Variants in ATXN7 observed in about 807,000 individuals in gnomAD.
ATXN7 encodes ataxin-7.
ATXN7 carries 12 observed loss-of-function variants against 70.5 expected under a neutral mutation model. The observed-to-expected ratio is 0.17, with a 90% confidence interval of 0.11 to 0.28. ATXN7 has a LOEUF of 0.28. Among genes scored for constraint, ATXN7 ranks in the 10% least tolerant of loss-of-function variants. The pLI, the probability that ATXN7 is intolerant of heterozygous loss-of-function variation, is 1.00. For synonymous variants in ATXN7, 498 were observed against 448.7 expected (o/e 1.11, Z -1.39); for missense variants, 1,256 against 1,131.7 (o/e 1.11, Z -1.58).
chr3:63,882,810 C>T (rs958551647), intron 1 of ATXN7, among the ~76,000 whole-genome samples: 5 of 152,094 alleles, frequency 3.3e-5, no homozygotes, highest in African/African-American at 4.8e-5. Flanking sequence ...TTAAAAAAGG[C>T]AACGAACACC....
Position 63,988,177 on chromosome 3 carries a change from AGCAACCACC to A in ATXN7, c.1218_1226del (p.Pro408_Pro410del). On this transcript the variant is annotated inframe_deletion, in exon 9 of 13. Transcript: ENST00000674280. ...GAATTGATTCGCCATCCGGACTCTC[AGCAACCACC>A]GCAGCCTCTCAGGGACCCGCATCCC... The A allele has an allele frequency of 6.2e-7, 1 of 1,614,024 alleles. No homozygotes were observed. Among genetic ancestry groups the A allele is most frequent in the Non-Finnish European group, 8.5e-7 (1 of 1,180,002 alleles).
At chr3:63,865,976 TATC>T (rs973709783) in intron 1 of ATXN7, among the ~76,000 whole-genome samples, 11 of 151,590 alleles carry the variant, frequency 7.3e-5, no homozygotes, top group African/African-American at 2.2e-4. Context: ...TTCTTAATCT[TATC>T]ATAATACTGA....
chr3:63,939,110 CT>C (rs1366292856), intron 4 of ATXN7, among the ~76,000 whole-genome samples: 1 of 152,012 alleles, frequency 6.6e-6, no homozygotes, highest in Non-Finnish European at 1.5e-5. Flanking sequence ...GGTATCTTGG[CT>C]GTCTCAGAGG....
In ATXN7 at chr3:63,912,854, A is replaced by T; in HGVS notation, c.256A>T (p.Ser86Cys). ...ATVGERRPLP[S>C]PEVMLGQSWN... ...GGTCGGGGAGCGCAGGCCTCTGCCC[A>T]GTCCTGAAGTGATGCTGGGACAGTC... Residue 86 changes from serine (S) to cysteine (C), a missense_variant, in exon 3 of 13, where the codon AGT becomes TGT. Ser to Cys is a moderately radical substitution (Grantham distance 112). Transcript: ENST00000674280. 1 of 1,612,768 alleles carries T rather than the reference A, an allele frequency of 6.2e-7. No homozygotes were observed. Among genetic ancestry groups the T allele is most frequent in the South Asian group, 1.1e-5 (1 of 91,058 alleles).
chr3:63,878,222 G>A (rs1443108121), intron 1 of ATXN7, among the ~76,000 whole-genome samples: 1 of 152,140 alleles, frequency 6.6e-6, no homozygotes, highest in Non-Finnish European at 1.5e-5. Context: ...ACAACTTGTT[G>A]GTATTCAGTG....
At chr3:63,990,450 G>T in intron 10 of ATXN7, 76 bp downstream of exon 10, 1 of 1,547,140 alleles carries the variant, frequency 6.5e-7, no homozygotes, top group Non-Finnish European at 8.9e-7. Flanking sequence ...GCGCGCCAGG[G>T]ATCTTGGCAT....
intron 1 of ATXN7, among the ~76,000 whole-genome samples, chr3:63,869,123 C>T (rs1702521775): frequency 6.6e-6 from 1 of 152,172 alleles, no homozygotes; most frequent in Non-Finnish European, 1.5e-5. Flanking sequence ...TTAACCTTTC[C>T]TGTCATTTAT....
At chr3:63,912,946 C>A (rs754714055) in intron 3 of ATXN7, 23 bp downstream of exon 3, 12 of 1,588,358 alleles carry the variant, frequency 7.6e-6, no homozygotes, top group Non-Finnish European at 8.6e-7. Flanking sequence ...GCCCTCCTCC[C>A]CCCTTCACCC....
intron 1 of ATXN7, among the ~76,000 whole-genome samples, chr3:63,866,489 C>G (rs566592134): frequency 6.6e-6 from 1 of 152,256 alleles, no homozygotes; most frequent in South Asian, 2.1e-4. Context: ...CTGCTGGGCT[C>G]AAGCGATCCT....
rs1171261605 is a variant in ATXN7 at position 63,912,828 on chromosome 3, C to G, written c.230C>G (p.Thr77Arg). The change falls in exon 3 of 13, where the codon ACG becomes AGG. Residue 77 changes from threonine (T) to arginine (R), a missense_variant. Transcript: ENST00000674280. ...TCCACCTCGGCCGCCGCAATGGCGA[C>G]GGTCGGGGAGCGCAGGCCTCTGCCC... Reference protein sequence around the residue: ...AASTSAAAMATVGERRPLPSP... With the variant: ...AASTSAAAMARVGERRPLPSP... The G allele has an allele frequency of 1.9e-6, 3 of 1,582,262 alleles. No individual in the cohort carries two copies. Among genetic ancestry groups the G allele is most frequent in the Non-Finnish European group, 2.6e-6 (3 of 1,166,606 alleles).
intron 6 of ATXN7, chr3:63,980,388 C>T (rs1053276892): frequency 4.9e-6 from 3 of 616,734 alleles, no homozygotes; most frequent in Middle Eastern, 4.4e-4. Flanking sequence ...TTTATTGATC[C>T]ATTCTTGTGT....
chr3:63,876,498 A>G (rs1470980058), intron 1 of ATXN7, among the ~76,000 whole-genome samples: 3 of 152,212 alleles, frequency 2.0e-5, no homozygotes, highest in Non-Finnish European at 4.4e-5. Flanking sequence ...GCTAGTAAAG[A>G]TGTTTATGGT....
intron 2 of ATXN7, among the ~76,000 whole-genome samples, chr3:63,908,630 A>G (rs1218696987): frequency 6.6e-6 from 1 of 152,246 alleles, no homozygotes; most frequent in Non-Finnish European, 1.5e-5. Flanking sequence ...GTTTTTTCCA[A>G]TTGAAGACGG....
intron 8 of ATXN7, 149 bp from the exon 9 acceptor site, chr3:63,987,910 T>A (rs1243503193): frequency 1.1e-6 from 1 of 924,560 alleles, no homozygotes; most frequent in Non-Finnish European, 1.6e-6. Context: ...AATGGGCTCT[T>A]AAGGTTTTTA....
At position 63,997,967 on chromosome 3, in the gene ATXN7, C is replaced by T. The variant is rs2075786500; in HGVS notation, c.2662-1483C>T. 4.1e-6 allele frequency: 4 copies of T among 985,268 alleles called. No homozygotes were observed. In the South Asian group the frequency reaches 1.9e-4, roughly 46 times the overall value. The allele number at this position is 985,268 out of a possible 1,614,324, so 61.0% of individuals were successfully genotyped here. A position where few individuals can be genotyped will look rare whatever the true frequency, so the allele number is the denominator to read the frequency against. ...TGGACAAATGAGAAGTGTGCTTTTC[C>T]TTCTTGGTTTGTAGTTACTCATTAC... On this transcript the variant is annotated intron_variant, in intron 12 of 12. Coordinates refer to ENST00000674280, the MANE Select transcript of ATXN7 (RefSeq NM_001377405.1).
intron 12 of ATXN7, among the ~76,000 whole-genome samples, chr3:63,997,297 A>G (rs1211508270): frequency 6.6e-6 from 1 of 152,174 alleles, no homozygotes; most frequent in Admixed American, 6.5e-5. Context: ...AAAGAATTTC[A>G]GATATTCTGG....
chr3:63,987,737 C>T (rs2075601479), intron 8 of ATXN7, among the ~76,000 whole-genome samples: 1 of 152,032 alleles, frequency 6.6e-6, no homozygotes, highest in Non-Finnish European at 1.5e-5. Context: ...GCTGTTGTGT[C>T]ACAAAACATG....
intron 4 of ATXN7, among the ~76,000 whole-genome samples, 159 bp from the exon 5 acceptor site, chr3:63,952,220 G>C (rs1460532295): frequency 6.6e-6 from 1 of 152,194 alleles, no homozygotes; most frequent in Non-Finnish European, 1.5e-5. Flanking sequence ...CTGTAAGCCT[G>C]ATTTGATTTC....
intron 4 of ATXN7, among the ~76,000 whole-genome samples, chr3:63,939,642 C>G (rs998280655): frequency 6.6e-6 from 1 of 152,176 alleles, no homozygotes; most frequent in Non-Finnish European, 1.5e-5. Flanking sequence ...CTTGCAAATT[C>G]AGATGAGCAT....
Sources: allele counts gnomAD v4.1 joint callset (sites outside exome capture counted in the v4.1 genomes callset), GRCh38; gene constraint gnomAD v4.1.1; transcripts MANE v1.5; gene names NCBI Gene and HGNC (gene_info 2026-07-23, HGNC 2026-07-21).